PPP2R2C: variants seen among roughly 807,000 people sequenced by gnomAD.
PPP2R2C encodes protein phosphatase 2 regulatory subunit Bgamma, also known as protein phosphatase 2, regulatory subunit B, gamma.
PPP2R2C carries 10 observed loss-of-function variants against 45.3 expected under a neutral mutation model. The ratio of observed to expected loss-of-function variants is 0.22; its 90% confidence interval spans 0.14 to 0.37. The LOEUF (loss-of-function observed/expected upper bound fraction) is 0.37, where lower values mean the gene tolerates loss of function less well. Among genes scored for constraint, PPP2R2C ranks in the 10% least tolerant of loss-of-function variants. The pLI is 1.00. For missense variants in PPP2R2C, 308 were observed against 619.7 expected (o/e 0.50, Z 5.34); for synonymous variants, 257 against 245.4 (o/e 1.05, Z -0.44).
chr4:6,344,013 G>A (rs1560461735), intron 6 of PPP2R2C, among the ~76,000 whole-genome samples: 1 of 152,206 alleles, frequency 6.6e-6, no homozygotes, highest in African/African-American at 2.4e-5. Context: ...GGCAAGAGCC[G>A]CCAGAGGTCA....
intron 1 of PPP2R2C, among the ~76,000 whole-genome samples, chr4:6,391,510 G>A (rs1716641547): frequency 6.6e-6 from 1 of 152,242 alleles, no homozygotes; most frequent in Non-Finnish European, 1.5e-5. Flanking sequence ...TAATAGCAGA[G>A]CCGGCAGATG....
At chr4:6,394,435 T>C (rs1043898022) in intron 1 of PPP2R2C, among the ~76,000 whole-genome samples, 12 of 152,206 alleles carry the variant, frequency 7.9e-5, no homozygotes, top group African/African-American at 1.2e-4. Flanking sequence ...TATGTGGACA[T>C]TGAAGCAAAG....
At chr4:6,381,742 C>T (rs913333914) in intron 1 of PPP2R2C, 1 of 1,598,128 alleles carries the variant, frequency 6.3e-7, no homozygotes, top group South Asian at 1.1e-5. Flanking sequence ...CTTCAGGTCA[C>T]TCAGGAACCT....
chr4:6,480,999 G>A (rs1023246947), intron 2 of PPP2R2C, among the ~76,000 whole-genome samples: 3 of 152,166 alleles, frequency 2.0e-5, no homozygotes, highest in African/African-American at 7.2e-5. Context: ...TGGATTGTGT[G>A]ACTTTCTCCT....
intron 2 of PPP2R2C, among the ~76,000 whole-genome samples, chr4:6,513,206 T>C (rs369773504): frequency 6.6e-6 from 1 of 152,212 alleles, no homozygotes; most frequent in South Asian, 2.1e-4. Context: ...AGTAAATATG[T>C]TTAATCTTGA....
At chr4:6,359,939 T>C (rs536319960) in intron 5 of PPP2R2C, among the ~76,000 whole-genome samples, 2 of 152,354 alleles carry the variant, frequency 1.3e-5, no homozygotes, top group South Asian at 2.1e-4. Context: ...GAGAAGCAAG[T>C]ATGCAAAGCA....
chr4:6,407,389 C>G (rs1717866668), intron 1 of PPP2R2C, among the ~76,000 whole-genome samples: 1 of 152,012 alleles, frequency 6.6e-6, no homozygotes, highest in African/African-American at 2.4e-5. Context: ...AGAAACCCAA[C>G]TGGTTTTTTT....
In PPP2R2C at chr4:6,483,656, C is replaced by G. The variant is rs143968146; in HGVS notation, c.49+51615G>C. ...CTTCTTACTATTGAGTTTTGAGAATCCTTTATATATTCTAGATACAAGCCA... is the reference window on the plus strand; with the variant it reads ...CTTCTTACTATTGAGTTTTGAGAATGCTTTATATATTCTAGATACAAGCCA... On this transcript the variant is annotated intron_variant, in intron 2 of 9. Transcript: ENST00000506140. 2.5e-3 allele frequency among the ~76,000 whole-genome samples: 385 copies of G among 152,102 alleles called. 2 individuals are homozygous for G. Among genetic ancestry groups the G allele is most frequent in the African/African-American group, 8.6e-3 (357 of 41,512 alleles).
At chr4:6,490,627 A>G (rs531927941) in intron 2 of PPP2R2C, among the ~76,000 whole-genome samples, 1 of 152,160 alleles carries the variant, frequency 6.6e-6, no homozygotes, top group East Asian at 1.9e-4. Context: ...ACTGCAAACC[A>G]CATCAGCCAC....
chr4:6,392,745 G>A (rs1407766153), intron 1 of PPP2R2C, among the ~76,000 whole-genome samples: 9 of 152,288 alleles, frequency 5.9e-5, no homozygotes, highest in South Asian at 2.1e-4. Flanking sequence ...GGGAAGCCAC[G>A]GTCTGACTTA....
chr4:6,506,562 T>C (rs1723241977), intron 2 of PPP2R2C, among the ~76,000 whole-genome samples: 1 of 152,206 alleles, frequency 6.6e-6, no homozygotes, highest in Non-Finnish European at 1.5e-5. Context: ...GGCTCAGTCA[T>C]GAAAATATCC....
At chr4:6,376,470 G>A (rs1440210869) in intron 3 of PPP2R2C, among the ~76,000 whole-genome samples, 1 of 145,482 alleles carries the variant, frequency 6.9e-6, no homozygotes, top group African/African-American at 2.5e-5. Flanking sequence ...TTTTTCTTTT[G>A]AGACAGGGTC....
chr4:6,478,807 G>A (rs529805686), intron 2 of PPP2R2C, among the ~76,000 whole-genome samples: 6 of 152,330 alleles, frequency 3.9e-5, no homozygotes, highest in South Asian at 2.1e-4. Context: ...TGTGCATCTC[G>A]AGTGGGCTAC....
At chr4:6,496,044 G>A (rs1276137322) in intron 2 of PPP2R2C, among the ~76,000 whole-genome samples, 1 of 152,094 alleles carries the variant, frequency 6.6e-6, no homozygotes, top group African/African-American at 2.4e-5. Flanking sequence ...CTCCTCCTCT[G>A]TATCTCCCTA....
chr4:6,543,477 C>T (rs575691665), intron 1 of PPP2R2C, among the ~76,000 whole-genome samples: 8 of 152,318 alleles, frequency 5.3e-5, no homozygotes, highest in Admixed American at 1.3e-4. Flanking sequence ...AATCCCAGCA[C>T]TTTGGGAGGC....
intron 2 of PPP2R2C, among the ~76,000 whole-genome samples, chr4:6,498,814 C>A (rs1448007853): frequency 2.0e-5 from 3 of 152,184 alleles, no homozygotes; most frequent in Non-Finnish European, 4.4e-5. Flanking sequence ...CTTCTCAAGC[C>A]TTGAACATTG....
Position 6,390,438 on chromosome 4 carries a change from T to G in PPP2R2C, c.71-9344A>C, listed in dbSNP as rs900068149. Among the ~76,000 whole-genome samples the G allele has an allele frequency of 1.3e-5, 2 of 152,088 alleles. 1 individual carries two copies. The highest frequency in any genetic ancestry group is 2.9e-5 in the Non-Finnish European group (2 of 68,008). On this transcript the variant is annotated intron_variant, in intron 1 of 8. Transcript: ENST00000382599. ...CAGAGTGGGCACAGCCACCGGCAGGTAGAAGGCGGCCCATCCCCAGGCTCC... is the reference window on the plus strand; with the variant it reads ...CAGAGTGGGCACAGCCACCGGCAGGGAGAAGGCGGCCCATCCCCAGGCTCC...
intron 2 of PPP2R2C, among the ~76,000 whole-genome samples, chr4:6,499,763 A>G (rs1722987867): frequency 6.7e-6 from 1 of 149,542 alleles, no homozygotes; most frequent in Non-Finnish European, 1.5e-5. Context: ...CCATTGAACC[A>G]TAAAAAAAAA....
chr4:6,374,248 C>T (rs1715119057), intron 4 of PPP2R2C, among the ~76,000 whole-genome samples: 1 of 152,168 alleles, frequency 6.6e-6, no homozygotes, highest in Non-Finnish European at 1.5e-5. Flanking sequence ...TTCCTTCCGG[C>T]AACATTGCTT....
Sources: gnomAD v4.1 joint callset for allele counts (sites outside exome capture counted in the v4.1 genomes callset) on GRCh38, gnomAD v4.1.1 for gene constraint, MANE v1.5 for transcripts, NCBI Gene and HGNC (gene_info 2026-07-23, HGNC 2026-07-21) for gene names.